Variants in NF1 observed in about 807,000 individuals in gnomAD.
NF1 encodes neurofibromin.
In NF1, 122 loss-of-function variants were observed where a neutral mutation model predicts 325.7. That is an observed-to-expected ratio of 0.37 (90% CI 0.32 to 0.44). NF1 has a LOEUF of 0.44. NF1 is among the 20% of genes least tolerant of loss of function. The pLI, the probability that NF1 is intolerant of heterozygous loss-of-function variation, is 1.00. For synonymous variants in NF1, 1,091 were observed against 1,186.0 expected, an observed-to-expected ratio of 0.92 and a Z score of 1.65; for missense variants, 2,140 against 3,415.4, an observed-to-expected ratio of 0.63 and a Z score of 9.31.
chr17:31,247,968 C>T (rs1208599175), intron 29 of NF1, among the ~76,000 whole-genome samples: 2 of 151,342 alleles, frequency 1.3e-5, no homozygotes, highest in African/African-American at 2.4e-5. Flanking sequence ...TTTAGGAGGC[C>T]GAGGCAGGTG....
At chr17:31,268,354 C>T (rs1476199765) in intron 36 of NF1, among the ~76,000 whole-genome samples, 5 of 151,726 alleles carry the variant, frequency 3.3e-5, no homozygotes, top group Admixed American at 6.6e-5. Context: ...CTTGGCTGGG[C>T]GCGGTGGCTC....
chr17:31,305,963 G>A (rs1283703858), intron 36 of NF1, among the ~76,000 whole-genome samples: 5 of 152,082 alleles, frequency 3.3e-5, no homozygotes, highest in Admixed American at 6.6e-5. Context: ...TTCTCAAAAC[G>A]CATAGGCTCT....
At chr17:31,362,748 G>GT (rs1374022060) in intron 57 of NF1, among the ~76,000 whole-genome samples, 5 of 152,082 alleles carry the variant, frequency 3.3e-5, no homozygotes, top group Non-Finnish European at 5.9e-5. Flanking sequence ...AAAATGGTTA[G>GT]TTTTTTTATT....
chr17:31,365,797 T>C (rs1054751072), intron 57 of NF1, among the ~76,000 whole-genome samples: 1 of 152,228 alleles, frequency 6.6e-6, no homozygotes, highest in Non-Finnish European at 1.5e-5. Flanking sequence ...TTGTACCTTG[T>C]ACTATATAGT....
intron 1 of NF1, among the ~76,000 whole-genome samples, chr17:31,153,288 A>G (rs755080820): frequency 2.0e-5 from 3 of 152,252 alleles, no homozygotes; most frequent in East Asian, 3.8e-4. Context: ...TATACCAGCT[A>G]TGTTACAAGT....
intron 5 of NF1, among the ~76,000 whole-genome samples, chr17:31,177,862 G>A (rs567462890): frequency 1.3e-5 from 2 of 152,088 alleles, no homozygotes; most frequent in South Asian, 2.1e-4. Flanking sequence ...AAGAAATATG[G>A]GACTATGTGA....
chr17:31,306,563 T>C (rs2068726310), intron 36 of NF1, among the ~76,000 whole-genome samples: 1 of 152,176 alleles, frequency 6.6e-6, no homozygotes, highest in African/African-American at 2.4e-5. Flanking sequence ...ACAGAGTCTA[T>C]TAGTAATCTT....
chr17:31,114,380 T>C (rs1913708638), intron 1 of NF1, among the ~76,000 whole-genome samples: 2 of 151,494 alleles, frequency 1.3e-5, no homozygotes, highest in South Asian at 4.2e-4. Context: ...CTACTAAAAA[T>C]ATAAAAAATT....
chr17:31,308,686 A>G (rs765171304), intron 36 of NF1, among the ~76,000 whole-genome samples: 2 of 151,694 alleles, frequency 1.3e-5, no homozygotes, highest in Non-Finnish European at 2.9e-5. Flanking sequence ...TTCTGGCTGC[A>G]TATCTGAATC....
At position 31,232,751 on chromosome 17, in the gene NF1, T is replaced by C. The variant is rs1597719465; in HGVS notation, c.3366T>C (p.Asp1122=). 6.2e-7 allele frequency: 1 copy of C among 1,613,936 alleles called. No homozygotes were observed. The change falls in exon 26 of 58, where the codon GAT becomes GAC. Residue 1122 remains aspartate, a synonymous_variant. Transcript: ENST00000358273. Reference sequence around the variant, plus strand: ...TGAATGACTGCAGTGAAGTTGAAGATGAAAGTGCGCAAACAGGTGGCAGGA... The same window carrying C: ...TGAATGACTGCAGTGAAGTTGAAGACGAAAGTGCGCAAACAGGTGGCAGGA... The part of the protein sequence containing the change: ...NLLNDCSEVE[D]ESAQTGGRKR...
In NF1 at chr17:31,377,061, GTTT is replaced by G; in HGVS notation, c.*2910_*2912del. On this transcript the variant is annotated 3_prime_UTR_variant, in exon 58 of 58. Coordinates refer to ENST00000358273, the MANE Select transcript of NF1 (RefSeq NM_001042492.3). ...GTTTTCAGTTTTGTTTGGGTTTTTTGTTTTTTGTTTTTGTTTCTACATCCTTCC... is the reference window on the plus strand; with the variant it reads ...GTTTTCAGTTTTGTTTGGGTTTTTTGTTTGTTTTTGTTTCTACATCCTTCC... The G allele has an allele frequency of 4.3e-6, 1 of 231,482 alleles. No homozygotes were observed. Among genetic ancestry groups the G allele is most frequent in the Non-Finnish European group, 8.5e-6 (1 of 118,024 alleles). 14.3% of individuals were successfully genotyped at this position (231,482 alleles called of 1,614,324 possible).
At chr17:31,320,395 G>T (rs371186718) in intron 36 of NF1, 2 of 1,608,658 alleles carry the variant, frequency 1.2e-6, no homozygotes, top group South Asian at 2.2e-5. Flanking sequence ...GGTAGGGCCT[G>T]AAAGTCTTTG....
Position 31,365,278 on chromosome 17 carries a change from C to CAAAAAAA in NF1, c.8377+4588_8377+4594dup, listed in dbSNP as rs67659795. Reference sequence around the variant, plus strand: ...CCAGTCAGGGATTGAGAACCTATCTCAAAAAAAAAAAAAAAAAAAGAAGGA... The same window carrying CAAAAAAA: ...CCAGTCAGGGATTGAGAACCTATCTCAAAAAAAAAAAAAAAAAAAAAAAAAAGAAGGA... On this transcript the variant is annotated intron_variant, in intron 57 of 57. Transcript: ENST00000358273. 1.9e-3 allele frequency among the ~76,000 whole-genome samples: 192 copies of CAAAAAAA among 100,922 alleles called. 3 individuals are homozygous for CAAAAAAA. The highest frequency in any genetic ancestry group is 5.0e-3 in the African/African-American group (91 of 18,048). 66.2% of individuals were successfully genotyped at this position (100,922 alleles called of 152,430 possible).
intron 1 of NF1, among the ~76,000 whole-genome samples, chr17:31,153,432 A>G (rs1023862647): frequency 6.6e-6 from 1 of 152,128 alleles, no homozygotes; most frequent in Non-Finnish European, 1.5e-5. Context: ...GACTTTTATC[A>G]TAGGCCTTTT....
intron 3 of NF1, among the ~76,000 whole-genome samples, chr17:31,159,473 ATTTTAATATTCTAC>A (rs1206921473): frequency 6.6e-6 from 1 of 152,196 alleles, no homozygotes; most frequent in African/African-American, 2.4e-5. Context: ...TATGAATATG[ATTTTAATATTCTAC>A]TTTTGAAATT....
intron 3 of NF1, among the ~76,000 whole-genome samples, chr17:31,160,234 TAC>T (rs2065739405): frequency 6.6e-6 from 1 of 152,124 alleles, no homozygotes; most frequent in Non-Finnish European, 1.5e-5. Flanking sequence ...TACAGGCATG[TAC>T]CACCATGCTC....
chr17:31,119,209 G>A (rs1914224004), intron 1 of NF1, among the ~76,000 whole-genome samples: 1 of 152,056 alleles, frequency 6.6e-6, no homozygotes, highest in Admixed American at 6.6e-5. Flanking sequence ...CCAAAGTGCT[G>A]GGATTACAGG....
Position 31,357,324 on chromosome 17 carries a change from A to G in NF1, c.7925A>G (p.Tyr2642Cys). The change falls in exon 54 of 58, where the codon TAC becomes TGC. Residue 2642 changes from tyrosine (Y) to cysteine (C), a missense_variant. Tyr to Cys is a radical substitution (Grantham distance 194). Around this residue, in one of 10 missense-constraint regions of NF1, gnomAD observed 522 missense variants for 749.0 expected, o/e 0.70. Coordinates refer to ENST00000358273, the MANE Select transcript of NF1 (RefSeq NM_001042492.3). The part of the protein sequence containing the change: ...DEFDQRILYE[Y>C]LAEASVVFPK... ...TTTGATCAACGAATTCTTTATGAAT[A>G]CTTAGCAGAGGCCAGTGTTGTGTTT... The G allele has an allele frequency of 6.2e-7, 1 of 1,614,068 alleles. No homozygotes were observed. The highest frequency in any genetic ancestry group is 8.5e-7 in the Non-Finnish European group (1 of 1,179,936).
intron 1 of NF1, among the ~76,000 whole-genome samples, chr17:31,127,461 C>A (rs551407588): frequency 7.8e-4 from 118 of 151,808 alleles, no homozygotes; most frequent in Non-Finnish European, 1.3e-3. Flanking sequence ...ATAATTTTCT[C>A]CTTATATAAA....
Sources: allele counts gnomAD v4.1 joint callset (sites outside exome capture counted in the v4.1 genomes callset), GRCh38; gene constraint gnomAD v4.1.1; regional missense constraint gnomAD v4.1.1; transcripts MANE v1.5; gene names NCBI Gene and HGNC (gene_info 2026-07-23, HGNC 2026-07-21).